Variants in MSH3 observed in about 807,000 individuals in gnomAD.
MSH3 encodes the protein mutS homolog 3.
In MSH3, 106 loss-of-function variants were observed where a neutral mutation model predicts 123.3. The ratio of observed to expected loss-of-function variants is 0.86; its 90% CI spans 0.73 to 1.01. MSH3 has a LOEUF of 1.01. Ranked by LOEUF, MSH3 falls within the 50% of genes least tolerant of loss-of-function variation. MSH3 has a pLI of 0.00. For synonymous variants in MSH3, 515 were observed against 481.4 expected, an observed-to-expected ratio of 1.07 and a Z score of -0.91; for missense variants, 1,459 against 1,347.6, an observed-to-expected ratio of 1.08 and a Z score of -1.29.
At chr5:80,662,408 T>G (rs937311268) in intron 2 of MSH3, among the ~76,000 whole-genome samples, 1 of 152,000 alleles carries the variant, frequency 6.6e-6, no homozygotes, top group Non-Finnish European at 1.5e-5. Flanking sequence ...AGGCAGTGAG[T>G]ATTTATTATT....
rs35310297 is a variant in MSH3, at chr5:80,723,766, ATT to A, written c.1341-1677_1341-1676del. On this transcript the variant is annotated intron_variant, in intron 8 of 23. Coordinates refer to ENST00000265081, the MANE Select transcript of MSH3 (RefSeq NM_002439.5). ...AAGATAATGTTTGCTTCTTTTATTA[ATT>A]TTTTTTTTTAATTTGAGACGATGTT... is the stretch of plus-strand genomic sequence containing the variant. 3.8e-3 allele frequency among the ~76,000 whole-genome samples: 580 copies of A among 151,042 alleles called. 4 individuals are homozygous for A. The highest frequency in any genetic ancestry group is 0.013 in the African/African-American group (538 of 41,220).
At chr5:80,657,936 A>T (rs1245548445) in intron 2 of MSH3, among the ~76,000 whole-genome samples, 1 of 151,354 alleles carries the variant, frequency 6.6e-6, no homozygotes, top group African/African-American at 2.4e-5. Flanking sequence ...TTCTGCATAG[A>T]CCCATTTTTT....
In MSH3 at chr5:80,682,033, C is replaced by T. The variant is rs1338472647; in HGVS notation, c.1340+2940C>T. ...CGTGTGTAATTTTTCAATCTTTGCA[C>T]TTTTTTTTGTATCCTTTGATCATTT... On this transcript the variant is annotated intron_variant, in intron 8 of 23. Coordinates refer to ENST00000265081, the MANE Select transcript of MSH3 (RefSeq NM_002439.5). Among the ~76,000 whole-genome samples the T allele has an allele frequency of 1.1e-4, 16 of 152,146 alleles. No homozygotes were observed. The East Asian group carries it at 2.5e-3, about 24-fold the overall frequency.
intron 20 of MSH3, among the ~76,000 whole-genome samples, chr5:80,823,119 A>G (rs1158163340): frequency 2.0e-5 from 3 of 152,248 alleles, no homozygotes; most frequent in Non-Finnish European, 4.4e-5. Flanking sequence ...TCACTTTTGT[A>G]TGAGTAATTG....
At chr5:80,815,090 A>G (rs1201344745) in intron 20 of MSH3, among the ~76,000 whole-genome samples, 1 of 152,260 alleles carries the variant, frequency 6.6e-6, no homozygotes, top group Non-Finnish European at 1.5e-5. Context: ...ATCAGAATAT[A>G]TCACATGCTA....
At chr5:80,830,494 A>G (rs922928765) in intron 20 of MSH3, among the ~76,000 whole-genome samples, 1 of 152,202 alleles carries the variant, frequency 6.6e-6, no homozygotes, top group Non-Finnish European at 1.5e-5. Flanking sequence ...GTTCCCCTGT[A>G]TTCATCTTAT....
intron 19 of MSH3, among the ~76,000 whole-genome samples, chr5:80,796,706 T>C (rs1744704545): frequency 6.6e-6 from 1 of 152,222 alleles, no homozygotes; most frequent in Non-Finnish European, 1.5e-5. Context: ...CTTATTATAG[T>C]GCTTCTGAAT....
intron 20 of MSH3, among the ~76,000 whole-genome samples, chr5:80,829,067 T>C (rs1745375177): frequency 6.6e-6 from 1 of 152,204 alleles, no homozygotes; most frequent in African/African-American, 2.4e-5. Context: ...CATTTTTGCT[T>C]GGCATTAATC....
chr5:80,658,266 C>T (rs1321882368), intron 2 of MSH3, among the ~76,000 whole-genome samples: 1 of 151,974 alleles, frequency 6.6e-6, no homozygotes, highest in Non-Finnish European at 1.5e-5. Context: ...GCCATGTTGG[C>T]TAGGCTGGTC....
At chr5:80,659,572 A>G (rs1000664960) in intron 2 of MSH3, among the ~76,000 whole-genome samples, 3 of 152,188 alleles carry the variant, frequency 2.0e-5, no homozygotes, top group Non-Finnish European at 4.4e-5. Context: ...TGTAGCATGT[A>G]TCAGTACTTC....
Position 80,864,270 on chromosome 5 carries a change from A to G in MSH3, c.3001-543A>G, listed in dbSNP as rs754556089. Among the ~76,000 whole-genome samples the G allele has an allele frequency of 7.1e-4, 108 of 152,214 alleles. 2 individuals are homozygous for G. The highest frequency in any genetic ancestry group is 6.5e-4 in the Admixed American group (10 of 15,278). On this transcript the variant is annotated intron_variant, in intron 21 of 23. Coordinates refer to ENST00000265081, the MANE Select transcript of MSH3 (RefSeq NM_002439.5). ...TCACTGGCAATGATGTTTGGAGGAA[A>G]TAGCAAAGTCCAAATTGAAAGACAT...
intron 3 of MSH3, among the ~76,000 whole-genome samples, chr5:80,668,056 C>G (rs1749610023): frequency 6.6e-6 from 1 of 152,130 alleles, no homozygotes; most frequent in Non-Finnish European, 1.5e-5. Flanking sequence ...GAGGGGAGAC[C>G]CGCAGTGGGT....
chr5:80,810,172 C>CATAT (rs113702568), intron 19 of MSH3, among the ~76,000 whole-genome samples: 3,793 of 121,482 alleles, frequency 0.031, 199 homozygotes, highest in African/African-American at 0.087. Flanking sequence ...GTTTGACATA[C>CATAT]ATATATATAT....
At chr5:80,675,417 C>A (rs1229588398) in intron 7 of MSH3, among the ~76,000 whole-genome samples, 2 of 152,028 alleles carry the variant, frequency 1.3e-5, no homozygotes, top group Admixed American at 1.3e-4. Context: ...ACAGGCTGTA[C>A]AGGAAGCATG....
In MSH3 at chr5:80,654,804, G is replaced by A. The variant is rs780517196; in HGVS notation, c.77G>A (p.Arg26Gln). 27 of 1,606,374 alleles carry A rather than the reference G, an allele frequency of 1.7e-5. No homozygotes were observed. The highest frequency in any genetic ancestry group is 2.2e-5 in the Non-Finnish European group (26 of 1,177,198). ...SAPARQAVLS[R>Q]FFQSTGSLKS... Reference sequence around the variant, plus strand: ...CCTGCGAGGCAAGCGGTTTTGAGCCGATTCTTCCAGTCTACGGGAAGCCTG... The same window carrying A: ...CCTGCGAGGCAAGCGGTTTTGAGCCAATTCTTCCAGTCTACGGGAAGCCTG... Residue 26 changes from arginine (R) to glutamine (Q), a missense_variant, in exon 1 of 24, where the codon CGA becomes CAA. Transcript: ENST00000265081.
intron 19 of MSH3, among the ~76,000 whole-genome samples, chr5:80,812,959 T>C (rs1745035148): frequency 6.6e-6 from 1 of 152,200 alleles, no homozygotes; most frequent in East Asian, 1.9e-4. Context: ...GGGCTGTAGT[T>C]GGACAGTTTC....
intron 5 of MSH3, 63 bp from the exon 6 acceptor site, chr5:80,672,678 G>A (rs937085030): frequency 2.3e-5 from 30 of 1,298,016 alleles, no homozygotes; most frequent in Admixed American, 8.4e-5. Flanking sequence ...TAAACATTTC[G>A]AAATGAGTTT....
chr5:80,723,837 A>T (rs1751139113), intron 8 of MSH3, among the ~76,000 whole-genome samples: 1 of 151,958 alleles, frequency 6.6e-6, no homozygotes, highest in African/African-American at 2.4e-5. Context: ...ATCACAGCTC[A>T]TTGCAGCCTT....
At chr5:80,783,252 C>T (rs898065771) in intron 17 of MSH3, among the ~76,000 whole-genome samples, 2 of 152,186 alleles carry the variant, frequency 1.3e-5, no homozygotes, top group African/African-American at 2.4e-5. Context: ...GCCTTGACTT[C>T]ATCCTTAAGT....
Sources: allele counts gnomAD v4.1 joint callset (sites outside exome capture counted in the v4.1 genomes callset), GRCh38; gene constraint gnomAD v4.1.1; transcripts MANE v1.5; gene names NCBI Gene and HGNC (gene_info 2026-07-23, HGNC 2026-07-21).